Variants in TENM3 observed in about 807,000 individuals in gnomAD.
TENM3 encodes teneurin transmembrane protein 3, also known as teneurin-3.
TENM3 carries 63 observed loss-of-function variants against 255.1 expected under a neutral mutation model. The observed-to-expected ratio is 0.25, with a 90% CI of 0.20 to 0.30. The LOEUF is 0.30. Ranked by LOEUF, TENM3 falls within the 10% of genes least tolerant of loss-of-function variation. TENM3 has a pLI of 1.00. For synonymous variants in TENM3, 1,306 were observed against 1,322.3 expected, an observed-to-expected ratio of 0.99 and a Z score of 0.27; for missense variants, 2,929 against 3,461.1, an observed-to-expected ratio of 0.85 and a Z score of 3.86.
chr4:181,595,459 C>G, the TENM3 span, among the ~76,000 whole-genome samples: 2 of 75,926 alleles, frequency 2.6e-5, no homozygotes, highest in African/African-American at 4.2e-5. Flanking sequence ...AAAAAACAAG[C>G]AAGAGTAGAA....
At chr4:182,749,752 C>A (rs1324473823) in intron 19 of TENM3, among the ~76,000 whole-genome samples, 1 of 151,886 alleles carries the variant, frequency 6.6e-6, no homozygotes, top group Non-Finnish European at 1.5e-5. Context: ...AAAAGATGTA[C>A]AACTGAGAAG....
the TENM3 span, among the ~76,000 whole-genome samples, chr4:181,765,822 T>C: frequency 6.6e-6 from 1 of 152,216 alleles, no homozygotes; most frequent in South Asian, 2.1e-4. Context: ...ATAAATGTTA[T>C]CAATCCTGTT....
chr4:182,106,871 C>G, the TENM3 span, among the ~76,000 whole-genome samples: 1 of 152,034 alleles, frequency 6.6e-6, no homozygotes, highest in Admixed American at 6.6e-5. Context: ...TCATGGGACA[C>G]CAAGGGTGAG....
chr4:182,020,073 G>T, the TENM3 span, among the ~76,000 whole-genome samples: 1 of 152,136 alleles, frequency 6.6e-6, no homozygotes, highest in African/African-American at 2.4e-5. Context: ...GTGTTTTAAG[G>T]GTAATCTGGG....
At chr4:182,411,834 T>C (rs1252802827) in intron 3 of TENM3, among the ~76,000 whole-genome samples, 2 of 152,220 alleles carry the variant, frequency 1.3e-5, no homozygotes, top group African/African-American at 4.8e-5. Context: ...TGCTTCTTCC[T>C]TGGTTCTAAG....
chr4:181,577,071 TA>T, the TENM3 span, among the ~76,000 whole-genome samples: 1 of 110,840 alleles, frequency 9.0e-6, no homozygotes, highest in East Asian at 2.2e-4. Context: ...ATATTATATA[TA>T]AATAATATAT....
the TENM3 span, among the ~76,000 whole-genome samples, chr4:181,741,306 A>G: frequency 4.6e-5 from 7 of 152,240 alleles, no homozygotes; most frequent in Admixed American, 4.6e-4. Context: ...CATCATAGAT[A>G]CTATGCTAAG....
the TENM3 span, among the ~76,000 whole-genome samples, chr4:182,072,046 G>C: frequency 6.6e-6 from 1 of 152,222 alleles, no homozygotes; most frequent in Non-Finnish European, 1.5e-5. Flanking sequence ...AAAAATGACA[G>C]ATAATGCCAT....
At chr4:182,522,232 A>T (rs543769577) in intron 3 of TENM3, among the ~76,000 whole-genome samples, 13 of 152,268 alleles carry the variant, frequency 8.5e-5, no homozygotes, top group Admixed American at 8.5e-4. Context: ...TATACAGTGA[A>T]TTATTATTAA....
chr4:182,068,970 C>T, the TENM3 span, among the ~76,000 whole-genome samples: 1 of 151,816 alleles, frequency 6.6e-6, no homozygotes, highest in Non-Finnish European at 1.5e-5. Flanking sequence ...GAAGCTTCCA[C>T]ATGGAAAATA....
chr4:181,725,908 G>T, the TENM3 span, among the ~76,000 whole-genome samples: 1 of 152,046 alleles, frequency 6.6e-6, no homozygotes, highest in Admixed American at 6.5e-5. Flanking sequence ...TTAGGGAAAA[G>T]CTTAATATCT....
intron 6 of TENM3, among the ~76,000 whole-genome samples, chr4:182,658,256 T>TGG (rs1753922017): frequency 6.6e-6 from 1 of 152,214 alleles, no homozygotes; most frequent in East Asian, 1.9e-4. Flanking sequence ...CACATTCACT[T>TGG]TGACTTTCTC....
intron 6 of TENM3, among the ~76,000 whole-genome samples, chr4:182,664,912 C>T (rs1011816924): frequency 4.6e-5 from 7 of 152,124 alleles, no homozygotes; most frequent in African/African-American, 1.7e-4. Context: ...GGAACGAACC[C>T]GTCTCTGCAA....
At chr4:182,506,309 A>C (rs546437699) in intron 3 of TENM3, among the ~76,000 whole-genome samples, 71 of 152,278 alleles carry the variant, frequency 4.7e-4, no homozygotes, top group Admixed American at 1.2e-3. Flanking sequence ...GTGTGGTCGA[A>C]AGAGGGCATA....
At chr4:182,678,120 T>C (rs1755804977) in intron 7 of TENM3, among the ~76,000 whole-genome samples, 1 of 152,190 alleles carries the variant, frequency 6.6e-6, no homozygotes, top group South Asian at 2.1e-4. Flanking sequence ...TAACATTCTA[T>C]AGACACTGAA....
intron 12 of TENM3, chr4:182,707,770 T>C (rs1758391604): frequency 6.6e-6 from 1 of 152,190 alleles, no homozygotes; most frequent in Admixed American, 6.5e-5. Flanking sequence ...TTTGTTATGT[T>C]CCAGGGATGG....
the TENM3 span, among the ~76,000 whole-genome samples, chr4:181,686,064 T>A: frequency 3.9e-5 from 6 of 152,136 alleles, no homozygotes; most frequent in Admixed American, 6.6e-5. Context: ...TTTTTCTGAG[T>A]CACTGTGCCC....
chr4:181,508,979 C>T, the TENM3 span, among the ~76,000 whole-genome samples: 1 of 126,814 alleles, frequency 7.9e-6, no homozygotes, highest in African/African-American at 3.1e-5. Flanking sequence ...GCAGCACGTA[C>T]AGGCAATTTG....
the TENM3 span, among the ~76,000 whole-genome samples, chr4:181,886,113 C>T: frequency 7.1e-6 from 1 of 140,270 alleles, no homozygotes; most frequent in Admixed American, 7.6e-5. Context: ...AATGCAGTGG[C>T]GTGATCGCCA....
Sources: allele counts gnomAD v4.1 joint callset (sites outside exome capture counted in the v4.1 genomes callset), GRCh38; gene constraint gnomAD v4.1.1; transcripts MANE v1.5; gene names NCBI Gene and HGNC (gene_info 2026-07-23, HGNC 2026-07-21).